Variants in FLRT1 observed in about 807,000 individuals in gnomAD.
FLRT1 encodes fibronectin leucine rich transmembrane protein 1.
A neutral mutation model predicts 30.9 loss-of-function variants in FLRT1; 14 were observed. That is an observed-to-expected ratio of 0.45 (90% confidence interval 0.30 to 0.71). The LOEUF is 0.71. Among genes scored for constraint, FLRT1 ranks in the 30% least tolerant of loss-of-function variants. The pLI is 0.08. For synonymous variants in FLRT1, 368 were observed against 430.4 expected, an observed-to-expected ratio of 0.85 and a Z score of 1.80; for missense variants, 737 against 949.2, an observed-to-expected ratio of 0.78 and a Z score of 2.94.
intron 1 of FLRT1, among the ~76,000 whole-genome samples, chr11:64,056,816 C>G (rs1406643024): frequency 6.6e-6 from 1 of 152,140 alleles, no homozygotes; most frequent in Non-Finnish European, 1.5e-5. Flanking sequence ...GGTGCAAGGC[C>G]TGTCCCACCC....
intron 1 of FLRT1, among the ~76,000 whole-genome samples, chr11:64,075,902 G>A (rs904962517): frequency 1.3e-5 from 2 of 152,208 alleles, no homozygotes; most frequent in Non-Finnish European, 2.9e-5. Context: ...TCAAACTCCT[G>A]ACCTCAAGTG....
At chr11:64,048,422 C>T (rs1943627142) in intron 1 of FLRT1, among the ~76,000 whole-genome samples, 1 of 152,196 alleles carries the variant, frequency 6.6e-6, no homozygotes, top group African/African-American at 2.4e-5. Context: ...CCTGGACCCT[C>T]CGTTGGCCTG....
chr11:64,049,920 C>CG (rs1043586499), intron 1 of FLRT1, among the ~76,000 whole-genome samples: 8 of 152,138 alleles, frequency 5.3e-5, no homozygotes, highest in African/African-American at 1.2e-4. Context: ...GCTGTGGCCC[C>CG]GGGGGGGAGG....
intron 1 of FLRT1, among the ~76,000 whole-genome samples, chr11:64,094,955 G>A (rs1286289343): frequency 6.6e-6 from 1 of 152,250 alleles, no homozygotes; most frequent in Non-Finnish European, 1.5e-5. Flanking sequence ...GTGTGCTCCA[G>A]GAGTGAAAGT....
At chr11:64,087,214 C>T (rs1189074695) in intron 1 of FLRT1, 1 of 152,286 alleles carries the variant, frequency 6.6e-6, no homozygotes, top group Non-Finnish European at 1.5e-5. Flanking sequence ...GGCAGAAGTG[C>T]ACCTGTGCAG....
chr11:64,117,691 C>G lies in FLRT1; in HGVS notation c.1424C>G (p.Pro475Arg). 1 of 1,613,598 alleles carries G rather than the reference C, an allele frequency of 6.2e-7. No individual in the cohort carries two copies. Among genetic ancestry groups the G allele is most frequent in the Non-Finnish European group, 8.5e-7 (1 of 1,179,946 alleles). ...AGTTGGCTGCGCCTGGGCCACAGCC[C>G]AGCCGTGGGCTCCATCACGGAGACC... ...RLSWLRLGHS[P>R]AVGSITETLV... The change falls in exon 3 of 3, where the codon CCA becomes CGA. Residue 475 changes from proline (P) to arginine (R), a missense_variant. By Grantham distance (103) the Pro-to-Arg change is moderately radical. Transcript: ENST00000682287.
intron 1 of FLRT1, among the ~76,000 whole-genome samples, chr11:64,088,332 G>A (rs1356339755): frequency 1.3e-5 from 2 of 152,294 alleles, no homozygotes; most frequent in South Asian, 2.1e-4. Flanking sequence ...GGCCAGGGAG[G>A]GGCAGCATAG....
chr11:64,042,608 G>T (rs923762751), intron 1 of FLRT1, among the ~76,000 whole-genome samples: 3 of 152,100 alleles, frequency 2.0e-5, no homozygotes, highest in Non-Finnish European at 4.4e-5. Flanking sequence ...GCCTGTGGGG[G>T]TCTTGGAAGC....
chr11:64,085,590 G>A (rs576526939), intron 1 of FLRT1, among the ~76,000 whole-genome samples: 27 of 152,318 alleles, frequency 1.8e-4, no homozygotes, highest in South Asian at 4.1e-4. Context: ...ACCCCAGGCC[G>A]CAGCGTGGGC....
At chr11:64,043,113 T>A (rs1048597620) in intron 1 of FLRT1, among the ~76,000 whole-genome samples, 2 of 152,194 alleles carry the variant, frequency 1.3e-5, no homozygotes, top group African/African-American at 4.8e-5. Flanking sequence ...TGTGCCTCTG[T>A]CTCCACACCT....
intron 1 of FLRT1, among the ~76,000 whole-genome samples, chr11:64,091,923 C>T (rs146750504): frequency 9.8e-4 from 149 of 152,332 alleles, no homozygotes; most frequent in African/African-American, 3.5e-3. Context: ...CGAGGCCTCT[C>T]TCTGGGGCTG....
At chr11:64,101,751 G>A (rs760047576) in intron 1 of FLRT1, among the ~76,000 whole-genome samples, 1 of 152,168 alleles carries the variant, frequency 6.6e-6, no homozygotes, top group Non-Finnish European at 1.5e-5. Flanking sequence ...AAGCCCCACC[G>A]TACCCCTTCC....
chr11:64,037,683 T>C (rs1487488238), intron 1 of FLRT1, among the ~76,000 whole-genome samples: 6 of 152,032 alleles, frequency 3.9e-5, no homozygotes, highest in African/African-American at 1.2e-4. Context: ...CCATGTTCTT[T>C]CCCAGACACA....
chr11:64,110,876 G>A (rs1401592896), intron 2 of FLRT1, among the ~76,000 whole-genome samples: 1 of 152,180 alleles, frequency 6.6e-6, no homozygotes, highest in African/African-American at 2.4e-5. Context: ...CCTCTGGTGA[G>A]GCGTGCTATC....
At chr11:64,114,343 TGATG>T (rs1445080779) in intron 2 of FLRT1, among the ~76,000 whole-genome samples, 3 of 136,250 alleles carry the variant, frequency 2.2e-5, no homozygotes, top group African/African-American at 8.7e-5. Flanking sequence ...AGTAGATACA[TGATG>T]GATGGATGGA....
chr11:64,038,295 C>T (rs896649477), intron 1 of FLRT1, among the ~76,000 whole-genome samples: 2 of 152,224 alleles, frequency 1.3e-5, no homozygotes, highest in Non-Finnish European at 2.9e-5. Context: ...GGCCTGCAGC[C>T]TCCCCTCTGG....
intron 1 of FLRT1, among the ~76,000 whole-genome samples, chr11:64,098,512 G>A (rs1944617600): frequency 6.6e-6 from 1 of 152,226 alleles, no homozygotes. Flanking sequence ...GGGAGAGAGG[G>A]AATAAGCAGC....
chr11:64,117,049 C>T lies in FLRT1; in HGVS notation c.782C>T (p.Ala261Val), dbSNP rs1322907558. Residue 261 changes from alanine to valine, a missense_variant, in exon 3 of 3, where the codon GCC becomes GTC. Physicochemically the swap from Ala to Val is moderately conservative, Grantham distance 64. Transcript: ENST00000682287. ...TELSLVRNSLAAPPLNLPSAH... is the reference protein window; with the variant it reads ...TELSLVRNSLVAPPLNLPSAH... ...CTCTCGCTGGTGCGCAATTCGCTGG[C>T]CGCGCCACCCCTCAACCTGCCCAGC... is the stretch of plus-strand genomic sequence containing the variant. 6.2e-7 allele frequency: 1 copy of T among 1,605,216 alleles called. No individual in the cohort carries two copies. Among genetic ancestry groups the T allele is most frequent in the South Asian group, 1.1e-5 (1 of 89,920 alleles).
At chr11:64,108,759 C>T (rs1264456583) in intron 2 of FLRT1, among the ~76,000 whole-genome samples, 2 of 152,314 alleles carry the variant, frequency 1.3e-5, no homozygotes, top group Admixed American at 6.5e-5. Context: ...AGGGGAGACA[C>T]ATGAATTATT....
Sources: gnomAD v4.1 joint callset for allele counts (sites outside exome capture counted in the v4.1 genomes callset) on GRCh38, gnomAD v4.1.1 for gene constraint, MANE v1.5 for transcripts, NCBI Gene and HGNC (gene_info 2026-07-23, HGNC 2026-07-21) for gene names.